The following FARS2 variants were observed in gnomAD, a reference collection of about 807,000 sequenced individuals.
FARS2 encodes phenylalanyl-tRNA synthetase 2, mitochondrial.
In FARS2, 40 loss-of-function variants were observed where a neutral mutation model predicts 46.4. The ratio of observed to expected loss-of-function variants is 0.86; its 90% CI spans 0.67 to 1.12. The LOEUF is 1.12. FARS2 is among the 50% of genes most tolerant of loss of function. FARS2 has a pLI of 0.00. For synonymous variants in FARS2, 234 were observed against 214.9 expected (o/e 1.09, Z -0.78); for missense variants, 513 against 567.9 (o/e 0.90, Z 0.98).
chr6:5,256,490 G>GAAAAAAA (rs777995486), upstream of FARS2, among the ~76,000 whole-genome samples: 630 of 37,522 alleles, frequency 0.017, 215 homozygotes, highest in Middle Eastern at 0.038. Context: ...GATTTCAACT[G>GAAAAAAA]GAAAAAAAAA....
intron 6 of FARS2, among the ~76,000 whole-genome samples, chr6:5,723,881 C>T (rs1219473833): frequency 6.6e-6 from 1 of 152,182 alleles, no homozygotes; most frequent in African/African-American, 2.4e-5. Flanking sequence ...ATTTTAGAAG[C>T]GGCCACAGCA....
intron 2 of FARS2, among the ~76,000 whole-genome samples, chr6:5,389,909 A>G (rs1392905410): frequency 1.6e-4 from 25 of 152,090 alleles, no homozygotes; most frequent in Admixed American, 1.4e-3. Context: ...CTGTCACCCA[A>G]GCTGGAATGC....
intron 5 of FARS2, among the ~76,000 whole-genome samples, chr6:5,571,244 C>T (rs1168546934): frequency 6.6e-6 from 1 of 152,138 alleles, no homozygotes; most frequent in South Asian, 2.1e-4. Context: ...AAACTATGCA[C>T]GATGGGCCTA....
intron 1 of FARS2, among the ~76,000 whole-genome samples, chr6:5,319,551 A>G (rs1478204202): frequency 6.6e-6 from 1 of 152,212 alleles, no homozygotes; most frequent in Non-Finnish European, 1.5e-5. Flanking sequence ...CAAGGGTGAG[A>G]CAGTGCTGAT....
intron 6 of FARS2, among the ~76,000 whole-genome samples, chr6:5,636,772 G>A (rs1252707868): frequency 6.6e-6 from 1 of 152,192 alleles, no homozygotes; most frequent in African/African-American, 2.4e-5. Context: ...GAGGAGTTCA[G>A]CAGAGGCACC....
intron 4 of FARS2, among the ~76,000 whole-genome samples, chr6:5,533,369 C>T (rs761168655): frequency 2.7e-4 from 41 of 152,160 alleles, no homozygotes; most frequent in Admixed American, 3.9e-4. Context: ...AAAGTCATCA[C>T]TTGTATTGAA....
chr6:5,700,750 C>A (rs567642476), intron 6 of FARS2, among the ~76,000 whole-genome samples: 2 of 152,258 alleles, frequency 1.3e-5, no homozygotes, highest in Non-Finnish European at 2.9e-5. Context: ...TTGAGAGACA[C>A]CTGGCTTTGG....
rs115027996 is a variant in FARS2, at chr6:5,427,246, T to A, written c.773-3795T>A. On this transcript the variant is annotated intron_variant, in intron 3 of 6. Coordinates refer to ENST00000274680, the MANE Select transcript of FARS2 (RefSeq NM_006567.5). ...GGCAAGTGCTGTCTTTCTCACCGTA[T>A]ACAAACCCAACTCAAAATGGTTTGA... is the stretch of plus-strand genomic sequence containing the variant. 2.0e-3 allele frequency among the ~76,000 whole-genome samples: 297 copies of A among 152,296 alleles called. 1 individual carries two copies. Among genetic ancestry groups the A allele is most frequent in the African/African-American group, 7.0e-3 (290 of 41,576 alleles).
chr6:5,394,637 G>A (rs547615831), intron 2 of FARS2, among the ~76,000 whole-genome samples: 21 of 152,056 alleles, frequency 1.4e-4, no homozygotes, highest in African/African-American at 3.1e-4. Context: ...AGAAAATGTC[G>A]AACTGGGTGA....
At position 5,575,476 on chromosome 6, in the gene FARS2, C is replaced by T. The variant is rs546853708; in HGVS notation, c.1065+30136C>T. The stretch of plus-strand genomic sequence containing the variant: ...AAATGGGAGACACATACCCTCTTCT[C>T]CTAAATGCATCATGTGTTTTCTAAG... On this transcript the variant is annotated intron_variant, in intron 5 of 6. Transcript: ENST00000274680. Among the ~76,000 whole-genome samples, 5 of 152,286 alleles carry T rather than the reference C, an allele frequency of 3.3e-5. No homozygotes were observed. In the East Asian group the frequency reaches 7.7e-4, roughly 23 times the overall value.
chr6:5,732,290 G>A (rs1760679320), intron 6 of FARS2, among the ~76,000 whole-genome samples: 1 of 152,130 alleles, frequency 6.6e-6, no homozygotes, highest in Non-Finnish European at 1.5e-5. Context: ...CGGTGATATG[G>A]CGGTGCACAC....
At chr6:5,495,019 A>G (rs1165375788) in intron 4 of FARS2, among the ~76,000 whole-genome samples, 1 of 152,194 alleles carries the variant, frequency 6.6e-6, no homozygotes, top group Non-Finnish European at 1.5e-5. Flanking sequence ...TCCTAAAATG[A>G]CTGCTGTGTG....
intron 6 of FARS2, among the ~76,000 whole-genome samples, chr6:5,651,761 G>A (rs1399976763): frequency 6.6e-6 from 1 of 152,178 alleles, no homozygotes; most frequent in Non-Finnish European, 1.5e-5. Flanking sequence ...AGCCCTATTA[G>A]ATGGTAGTCA....
intron 6 of FARS2, among the ~76,000 whole-genome samples, chr6:5,627,215 G>A (rs979536069): frequency 2.0e-5 from 3 of 152,176 alleles, no homozygotes; most frequent in African/African-American, 7.2e-5. Context: ...GTGCATGACT[G>A]TATTTTATAA....
chr6:5,283,766 C>G (rs1243948126), intron 1 of FARS2, among the ~76,000 whole-genome samples: 3 of 152,068 alleles, frequency 2.0e-5, no homozygotes, highest in African/African-American at 4.8e-5. Context: ...CACAGATACC[C>G]TGTATCAAAT....
chr6:5,382,909 G>C (rs2503805), intron 2 of FARS2, among the ~76,000 whole-genome samples: 76,753 of 152,070 alleles, frequency 0.5, 20,763 homozygotes, highest in African/African-American at 0.7. Flanking sequence ...CAGGGACAGT[G>C]AAGTAGAGAG....
At chr6:5,731,147 G>A (rs1760596229) in intron 6 of FARS2, among the ~76,000 whole-genome samples, 1 of 152,198 alleles carries the variant, frequency 6.6e-6, no homozygotes, top group Non-Finnish European at 1.5e-5. Flanking sequence ...TCATTTCAGA[G>A]AAACCGGGAG....
chr6:5,637,673 A>G (rs927668051), intron 6 of FARS2, among the ~76,000 whole-genome samples: 3 of 152,238 alleles, frequency 2.0e-5, no homozygotes, highest in African/African-American at 7.2e-5. Context: ...TGACTTAAAC[A>G]GCAGAAATTT....
chr6:5,312,186 T>C (rs1769124447), intron 1 of FARS2, among the ~76,000 whole-genome samples: 1 of 152,230 alleles, frequency 6.6e-6, no homozygotes, highest in Admixed American at 6.5e-5. Context: ...TTTGAATGTG[T>C]CTTTAACTCA....
Sources: allele counts gnomAD v4.1 joint callset (sites outside exome capture counted in the v4.1 genomes callset), GRCh38; gene constraint gnomAD v4.1.1; transcripts MANE v1.5; gene names NCBI Gene and HGNC (gene_info 2026-07-23, HGNC 2026-07-21).